ADGRB3: variants seen among roughly 807,000 people sequenced by gnomAD.
ADGRB3 encodes adhesion G protein-coupled receptor B3.
A neutral mutation model predicts 193.4 loss-of-function variants in ADGRB3; 37 were observed. The ratio of observed to expected loss-of-function variants is 0.19; its 90% CI spans 0.15 to 0.25. The LOEUF (loss-of-function observed/expected upper bound fraction) is 0.25. Among genes scored for constraint, ADGRB3 ranks in the 10% least tolerant of loss-of-function variants. ADGRB3 has a pLI of 1.00. For synonymous variants in ADGRB3, 690 were observed against 644.2 expected (o/e 1.07, Z -1.08); for missense variants, 1,637 against 1,852.9 (o/e 0.88, Z 2.14).
chr6:68,740,482 A>G (rs575870590), intron 3 of ADGRB3, among the ~76,000 whole-genome samples: 2 of 152,342 alleles, frequency 1.3e-5, no homozygotes, highest in East Asian at 1.9e-4. Flanking sequence ...TCTTTAAGAA[A>G]AAAACATCAA....
At chr6:68,776,423 A>G (rs1056897755) in intron 3 of ADGRB3, among the ~76,000 whole-genome samples, 2 of 152,188 alleles carry the variant, frequency 1.3e-5, no homozygotes, top group Admixed American at 1.3e-4. Context: ...AGTCTGTGGC[A>G]TGAATGGGGT....
intron 3 of ADGRB3, among the ~76,000 whole-genome samples, chr6:68,742,555 TC>T (rs1766001646): frequency 6.6e-6 from 1 of 152,092 alleles, no homozygotes; most frequent in Admixed American, 6.5e-5. Flanking sequence ...GCTTCCCACA[TC>T]TGCACCACCC....
At chr6:69,052,390 A>G (rs1771424744) in intron 15 of ADGRB3, among the ~76,000 whole-genome samples, 1 of 152,170 alleles carries the variant, frequency 6.6e-6, no homozygotes, top group Non-Finnish European at 1.5e-5. Flanking sequence ...AATTCATTCT[A>G]TGTGTTCAGT....
At chr6:69,298,609 C>A (rs1046716218) in intron 20 of ADGRB3, among the ~76,000 whole-genome samples, 11 of 151,916 alleles carry the variant, frequency 7.2e-5, no homozygotes, top group African/African-American at 2.7e-4. Flanking sequence ...ATTTTTAGCT[C>A]TCACATTTGA....
chr6:69,348,710 A>T (rs1027406017), intron 26 of ADGRB3, among the ~76,000 whole-genome samples: 1 of 151,912 alleles, frequency 6.6e-6, no homozygotes, highest in Non-Finnish European at 1.5e-5. Context: ...GGATATGTGG[A>T]TGGACAAATT....
At chr6:69,349,384 T>C (rs1156752761) in intron 26 of ADGRB3, among the ~76,000 whole-genome samples, 1 of 152,230 alleles carries the variant, frequency 6.6e-6, no homozygotes, top group Non-Finnish European at 1.5e-5. Context: ...GGGATTCTAA[T>C]AGAAAGTCAT....
chr6:68,760,813 C>G (rs1766382786), intron 3 of ADGRB3, among the ~76,000 whole-genome samples: 1 of 152,108 alleles, frequency 6.6e-6, no homozygotes, highest in African/African-American at 2.4e-5. Context: ...CTGAGCCCAC[C>G]ACAGGACACT....
chr6:69,288,685 C>T (rs1767603632), intron 20 of ADGRB3, among the ~76,000 whole-genome samples: 1 of 152,206 alleles, frequency 6.6e-6, no homozygotes, highest in African/African-American at 2.4e-5. Context: ...TTAGCTTCAA[C>T]ACTGGTGTAC....
intron 17 of ADGRB3, among the ~76,000 whole-genome samples, chr6:69,140,702 C>G (rs1236695787): frequency 6.6e-6 from 1 of 151,968 alleles, no homozygotes; most frequent in Non-Finnish European, 1.5e-5. Flanking sequence ...GATGGATACC[C>G]CATCTACCCT....
chr6:69,103,729 T>C (rs1450125898), intron 17 of ADGRB3, among the ~76,000 whole-genome samples: 3 of 151,300 alleles, frequency 2.0e-5, no homozygotes, highest in African/African-American at 7.3e-5. Context: ...CTCTCAGTCA[T>C]CTATATATCC....
At chr6:68,808,333 C>T (rs1459968328) in intron 3 of ADGRB3, among the ~76,000 whole-genome samples, 1 of 152,006 alleles carries the variant, frequency 6.6e-6, no homozygotes. Context: ...TCTTCTCCCT[C>T]AGATACCATC....
At chr6:69,153,127 C>G (rs554898567) in intron 17 of ADGRB3, among the ~76,000 whole-genome samples, 5 of 151,902 alleles carry the variant, frequency 3.3e-5, no homozygotes, top group Non-Finnish European at 7.4e-5. Context: ...CTATGAAACC[C>G]TGCATGCAAA....
chr6:68,834,221 G>A (rs1385963401), intron 3 of ADGRB3, among the ~76,000 whole-genome samples: 1 of 151,984 alleles, frequency 6.6e-6, no homozygotes, highest in African/African-American at 2.4e-5. Flanking sequence ...ATGACATCAT[G>A]TCAGTTTCTT....
chr6:69,264,432 A>C (rs1270195457), intron 20 of ADGRB3, among the ~76,000 whole-genome samples: 3 of 151,706 alleles, frequency 2.0e-5, no homozygotes, highest in Admixed American at 2.0e-4. Context: ...CTTCTTAGCT[A>C]TATCTTTTAT....
chr6:68,653,705 G>T (rs1325162839), intron 3 of ADGRB3, among the ~76,000 whole-genome samples: 2 of 151,990 alleles, frequency 1.3e-5, no homozygotes, highest in African/African-American at 2.4e-5. Context: ...TAGAGAGAAG[G>T]TTCTGTGGTC....
Position 69,389,087 on chromosome 6 carries a change from A to G in ADGRB3, c.*196A>G. The G allele has an allele frequency of 2.0e-6, 1 of 502,412 alleles. No homozygotes were observed. The highest frequency in any genetic ancestry group is 3.5e-6 in the Non-Finnish European group (1 of 287,642). 31.1% of individuals were successfully genotyped at this position (502,412 alleles called of 1,614,324 possible). The stretch of plus-strand genomic sequence containing the variant: ...AGAGATGACCAGGTGTACAGTTCTG[A>G]CCATCCTGTGTTGTAAGTACCCGTG... On this transcript the variant is annotated 3_prime_UTR_variant, in exon 32 of 32. Transcript: ENST00000370598.
chr6:68,761,960 A>G (rs1022139800), intron 3 of ADGRB3, among the ~76,000 whole-genome samples: 1 of 152,212 alleles, frequency 6.6e-6, no homozygotes, highest in African/African-American at 2.4e-5. Context: ...CATATCAATC[A>G]TATAATGATT....
At chr6:69,071,510 GC>G (rs1348347361) in intron 16 of ADGRB3, among the ~76,000 whole-genome samples, 3 of 152,078 alleles carry the variant, frequency 2.0e-5, no homozygotes, top group African/African-American at 7.2e-5. Flanking sequence ...AACATCTATG[GC>G]AATTAGAAAT....
At chr6:68,774,591 G>T (rs1766703021) in intron 3 of ADGRB3, among the ~76,000 whole-genome samples, 1 of 151,780 alleles carries the variant, frequency 6.6e-6, no homozygotes, top group South Asian at 2.1e-4. Flanking sequence ...GTAGGTATTA[G>T]CATGCTGCCT....
Sources: allele counts gnomAD v4.1 joint callset (sites outside exome capture counted in the v4.1 genomes callset), GRCh38; gene constraint gnomAD v4.1.1; transcripts MANE v1.5; gene names NCBI Gene and HGNC (gene_info 2026-07-23, HGNC 2026-07-21).